The following CASZ1 variants were observed in gnomAD, a reference collection of about 807,000 sequenced individuals.
CASZ1 encodes the protein castor zinc finger 1.
Under a neutral mutation model 135.2 loss-of-function variants are expected in CASZ1, and 28 were observed. The observed-to-expected ratio is 0.21, with a 90% CI of 0.15 to 0.28. CASZ1 has a LOEUF of 0.28. Among genes scored for constraint, CASZ1 ranks in the 10% least tolerant of loss-of-function variants. The pLI is 1.00. For synonymous variants in CASZ1, 1,068 were observed against 1,073.4 expected, an observed-to-expected ratio of 0.99 and a Z score of 0.10; for missense variants, 2,161 against 2,453.3, an observed-to-expected ratio of 0.88 and a Z score of 2.52.
chr1:10,759,247 C>G lies in CASZ1; in HGVS notation c.-77+1454G>C, dbSNP rs1640317394. Among the ~76,000 whole-genome samples the G allele has an allele frequency of 6.6e-6, 1 of 152,140 alleles. No individual in the cohort carries two copies. The highest frequency in any genetic ancestry group is 6.5e-5 in the Admixed American group (1 of 15,282). On this transcript the variant is annotated intron_variant, in intron 2 of 20. Coordinates refer to ENST00000377022, the MANE Select transcript of CASZ1 (RefSeq NM_001079843.3). This position sits in a 1 kb window ranked among gnomAD's most constrained non-coding sequence, Gnocchi z 4.2. ...ATATTTGAGCCTGCATCCCAGGATT[C>G]ATGATCATCAGAGGAAGCAGAGTCT...
chr1:10,793,734 G>C (rs188164889), intron 1 of CASZ1, among the ~76,000 whole-genome samples: 2,030 of 151,488 alleles, frequency 0.013, 58 homozygotes, highest in African/African-American at 0.046. Flanking sequence ...GGGGGGGCGG[G>C]GCGGCGATCT....
chr1:10,766,411 T>C (rs1156747068), intron 1 of CASZ1, among the ~76,000 whole-genome samples: 1 of 152,212 alleles, frequency 6.6e-6, no homozygotes, highest in Admixed American at 6.5e-5. Flanking sequence ...ATAAAGATAG[T>C]TCCTCTGCGA....
rs1436706603 is a variant in CASZ1, at chr1:10,647,984, G to C, written c.3314C>G (p.Pro1105Arg). 6.2e-7 allele frequency: 1 copy of C among 1,606,320 alleles called. No homozygotes were observed. Among genetic ancestry groups the C allele is most frequent in the Non-Finnish European group, 8.5e-7 (1 of 1,175,968 alleles). The change falls in exon 16 of 21, where the codon CCC becomes CGC. Residue 1105 changes from proline to arginine, a missense_variant. This residue lies in a region of CASZ1 where 349 missense variants were observed against 460.8 expected (regional missense o/e 0.76). Coordinates refer to ENST00000377022, the MANE Select transcript of CASZ1 (RefSeq NM_001079843.3). This position sits in a 1 kb window ranked among gnomAD's most constrained non-coding sequence, Gnocchi z 4.9. Reference protein sequence around the residue: ...ATVSSLEGPAPSPASVPSTPT... With the variant: ...ATVSSLEGPARSPASVPSTPT... ...GGTGGAGGGCACGGAGGCCGGGCTG[G>C]GAGCGGGCCCCTCCAGAGAGGACAC...
At position 10,783,246 on chromosome 1, in the gene CASZ1, AGTGTGTGTGTGTGT is replaced by A. The variant is rs70997266; in HGVS notation, c.-234+13304_-234+13317del. On this transcript the variant is annotated intron_variant, in intron 1 of 20. Transcript: ENST00000377022. ...TTTTTAACGGCTAGGCCAGTGGAGA[AGTGTGTGTGTGTGT>A]GTGTGTGTGTGTGTGTGTATGTGTG... Among the ~76,000 whole-genome samples the A allele has an allele frequency of 8.6e-4, 128 of 148,148 alleles. No homozygotes were observed. The East Asian group carries it at 0.022, about 25-fold the overall frequency.
chr1:10,781,189 G>A (rs1315594721), intron 1 of CASZ1, among the ~76,000 whole-genome samples: 1 of 152,238 alleles, frequency 6.6e-6, no homozygotes, highest in African/African-American at 2.4e-5. Context: ...GAGGAGAGAA[G>A]CTCCTCCTTC....
chr1:10,784,285 G>T (rs1335271092), intron 1 of CASZ1, among the ~76,000 whole-genome samples: 8 of 152,142 alleles, frequency 5.3e-5, no homozygotes, highest in African/African-American at 1.7e-4. Context: ...CCATGGGGGG[G>T]TCCTCCATTT....
At chr1:10,781,699 G>A (rs1208122938) in intron 1 of CASZ1, among the ~76,000 whole-genome samples, 1 of 152,174 alleles carries the variant, frequency 6.6e-6, no homozygotes, top group African/African-American at 2.4e-5. Flanking sequence ...GATGACAGAT[G>A]GGGAGGGTGG....
At position 10,717,782 on chromosome 1, in the gene CASZ1, G is replaced by T. The variant is rs991651063; in HGVS notation, c.-76-12238C>A. ...GGGGCTTCCTGACCCAACTCTGGAA[G>T]CCGAAGGGAGCTATGAATAGAGACG... On this transcript the variant is annotated intron_variant, in intron 2 of 20. Coordinates refer to ENST00000377022, the MANE Select transcript of CASZ1 (RefSeq NM_001079843.3). The surrounding 1 kb of genome is among the most constrained non-coding windows in gnomAD (Gnocchi z 4.6). Among the ~76,000 whole-genome samples the T allele has an allele frequency of 1.3e-5, 2 of 152,216 alleles. No homozygotes were observed. Among genetic ancestry groups the T allele is most frequent in the African/African-American group, 4.8e-5 (2 of 41,452 alleles).
intron 4 of CASZ1, among the ~76,000 whole-genome samples, chr1:10,681,733 G>T (rs1432708450): frequency 6.6e-6 from 1 of 152,238 alleles, no homozygotes; most frequent in African/African-American, 2.4e-5. Context: ...GCTCGTTAGG[G>T]TGGCGCTGGG....
In CASZ1 at chr1:10,788,914, G is replaced by A. The variant is rs147550675; in HGVS notation, c.-234+7650C>T. On this transcript the variant is annotated intron_variant, in intron 1 of 20. Coordinates refer to ENST00000377022, the MANE Select transcript of CASZ1 (RefSeq NM_001079843.3). This position sits in a 1 kb window ranked among gnomAD's most constrained non-coding sequence, Gnocchi z 4.1. ...AGCCGCTGCCGCTCTGCAGAACCTC[G>A]CAGATCCTCTAAGCCACCTAGTGTC... Among the ~76,000 whole-genome samples, 10 of 152,300 alleles carry A rather than the reference G, an allele frequency of 6.6e-5. No homozygotes were observed. The highest frequency in any genetic ancestry group is 2.4e-4 in the African/African-American group (10 of 41,570).
chr1:10,660,974 T>TG (rs1021278305), intron 5 of CASZ1: 7 of 196,110 alleles, frequency 3.6e-5, no homozygotes, highest in African/African-American at 1.4e-4. Context: ...GGCAGCTGGG[T>TG]GGGAGCCCAG....
chr1:10,749,151 T>C (rs935273489), intron 2 of CASZ1, among the ~76,000 whole-genome samples: 3 of 152,162 alleles, frequency 2.0e-5, no homozygotes, highest in Non-Finnish European at 4.4e-5. Flanking sequence ...TGAGTGCTCA[T>C]AGACACAGCC....
chr1:10,782,643 C>G (rs1024644894), intron 1 of CASZ1, among the ~76,000 whole-genome samples: 1 of 152,152 alleles, frequency 6.6e-6, no homozygotes, highest in Non-Finnish European at 1.5e-5. Flanking sequence ...CACAGCACGT[C>G]CCTTCATTCA....
chr1:10,649,265 C>A lies in CASZ1; in HGVS notation c.3035+18G>T, dbSNP rs765938392. 5.6e-6 allele frequency: 9 copies of A among 1,601,798 alleles called. No homozygotes were observed. The African/African-American group carries it at 1.2e-4, about 21-fold the overall frequency. ...GGTGCGGGGGGACGATGGGTGGACGCGGCCAGCAGCCCCTCACCTGCGCAG... is the reference window on the plus strand; with the variant it reads ...GGTGCGGGGGGACGATGGGTGGACGAGGCCAGCAGCCCCTCACCTGCGCAG... On this transcript the variant is annotated intron_variant, in intron 14 of 20. Coordinates refer to ENST00000377022, the MANE Select transcript of CASZ1 (RefSeq NM_001079843.3).
At chr1:10,772,436 G>A (rs1466355852) in intron 1 of CASZ1, among the ~76,000 whole-genome samples, 1 of 152,198 alleles carries the variant, frequency 6.6e-6, no homozygotes, top group African/African-American at 2.4e-5. Flanking sequence ...TTCTGCGGGG[G>A]AAGGCTGAGG....
chr1:10,758,642 T>C (rs1454721292), intron 2 of CASZ1, among the ~76,000 whole-genome samples: 2 of 152,200 alleles, frequency 1.3e-5, no homozygotes, highest in African/African-American at 4.8e-5. Flanking sequence ...CCAGACCCTC[T>C]GTACTGCTGG....
rs1639614240 is a variant in CASZ1 at position 10,727,260 on chromosome 1, G to A, written c.-76-21716C>T. Among the ~76,000 whole-genome samples, 1 of 152,120 alleles carries A rather than the reference G, an allele frequency of 6.6e-6. No homozygotes were observed. The highest frequency in any genetic ancestry group is 1.9e-4 in the East Asian group (1 of 5,174). The stretch of plus-strand genomic sequence containing the variant: ...GCGTCTTGCAGGCAGGGGCTGCAGA[G>A]CCATAAGGCACCTGCTGTTTGAGCC... On this transcript the variant is annotated intron_variant, in intron 2 of 20. Transcript: ENST00000377022. The surrounding 1 kb of genome is among the most constrained non-coding windows in gnomAD (Gnocchi z 5.3).
intron 2 of CASZ1, among the ~76,000 whole-genome samples, chr1:10,712,887 C>T (rs955693810): frequency 2.0e-5 from 3 of 152,236 alleles, no homozygotes; most frequent in Non-Finnish European, 4.4e-5. Flanking sequence ...GTGCAACAAG[C>T]GCCCCTCTGG....
In CASZ1 at chr1:10,657,477, A is replaced by T. The variant is rs1306896228; in HGVS notation, c.1410-741T>A. Among the ~76,000 whole-genome samples, 1 of 152,144 alleles carries T rather than the reference A, an allele frequency of 6.6e-6. No individual in the cohort carries two copies. Among genetic ancestry groups the T allele is most frequent in the Non-Finnish European group, 1.5e-5 (1 of 68,022 alleles). On this transcript the variant is annotated intron_variant, in intron 7 of 20. Transcript: ENST00000377022. The surrounding 1 kb of genome is among the most constrained non-coding windows in gnomAD (Gnocchi z 5.7). ...GAGATTGCAGGAGACACAGAGAGAA[A>T]CCCCATACTGTAATGGGAAAACCAC...
Sources: allele counts gnomAD v4.1 joint callset (sites outside exome capture counted in the v4.1 genomes callset), GRCh38; gene constraint gnomAD v4.1.1; regional missense constraint gnomAD v4.1.1; non-coding constraint Gnocchi (gnomAD v3.1); transcripts MANE v1.5; gene names NCBI Gene and HGNC (gene_info 2026-07-23, HGNC 2026-07-21).